The following ELP4 variants were observed in gnomAD, a reference collection of about 807,000 sequenced individuals.
ELP4 encodes elongator complex protein 4.
A neutral mutation model predicts 48.9 loss-of-function variants in ELP4; 51 were observed. The ratio of observed to expected loss-of-function variants is 1.04; its 90% confidence interval spans 0.83 to 1.32. The LOEUF (loss-of-function observed/expected upper bound fraction) is 1.32. Ranked by LOEUF, ELP4 falls within the 40% of genes most tolerant of loss-of-function variation. The probability of loss-of-function intolerance (pLI) is 0.00; values close to 1 mark genes in which losing one functional copy is unlikely to be tolerated. For synonymous variants in ELP4, 210 were observed against 189.2 expected (o/e 1.11, Z -0.90); for missense variants, 519 against 514.6 (o/e 1.01, Z -0.08).
intron 9 of ELP4, among the ~76,000 whole-genome samples, chr11:31,735,571 A>G (rs1056428319): frequency 4.6e-5 from 7 of 152,142 alleles, no homozygotes; most frequent in African/African-American, 1.7e-4. Context: ...TATATCTAGA[A>G]AACCCCATCG....
At chr11:31,694,852 G>C (rs958306647) in intron 9 of ELP4, among the ~76,000 whole-genome samples, 5 of 152,084 alleles carry the variant, frequency 3.3e-5, no homozygotes, top group Admixed American at 2.0e-4. Context: ...GTGGTTTGTA[G>C]TTCTCCTTGA....
At chr11:31,511,138 A>C (rs1207773980) in intron 1 of ELP4, 3 of 152,164 alleles carry the variant, frequency 2.0e-5, no homozygotes, top group Admixed American at 2.0e-4. Flanking sequence ...TTTCTAGATA[A>C]GTTTAAGTAT....
chr11:31,554,307 C>A (rs1039962674), intron 3 of ELP4, among the ~76,000 whole-genome samples: 1 of 152,128 alleles, frequency 6.6e-6, no homozygotes, highest in Non-Finnish European at 1.5e-5. Flanking sequence ...AGGTTGGGGA[C>A]TGCTGCGTTA....
intron 2 of ELP4, among the ~76,000 whole-genome samples, chr11:31,521,099 T>A (rs1386710811): frequency 5.3e-5 from 8 of 152,020 alleles, no homozygotes; most frequent in Non-Finnish European, 2.9e-5. Context: ...CAAGAGTGAG[T>A]AAAATACAAA....
chr11:31,662,089 CAG>C (rs1451675387), intron 9 of ELP4, among the ~76,000 whole-genome samples: 6 of 151,844 alleles, frequency 4.0e-5, no homozygotes, highest in East Asian at 1.9e-4. Flanking sequence ...CTGATCCAAA[CAG>C]AAATTTAAAT....
chr11:31,608,387 G>T (rs937473792), intron 5 of ELP4, among the ~76,000 whole-genome samples: 4 of 152,070 alleles, frequency 2.6e-5, no homozygotes, highest in African/African-American at 9.7e-5. Context: ...GAATGTGTTG[G>T]TCTAAGAAGA....
At chr11:31,732,204 A>C (rs1947205458) in intron 9 of ELP4, among the ~76,000 whole-genome samples, 1 of 152,204 alleles carries the variant, frequency 6.6e-6, no homozygotes, top group Non-Finnish European at 1.5e-5. Context: ...ATTCTATAGA[A>C]TTTAAATAAA....
intron 5 of ELP4, among the ~76,000 whole-genome samples, chr11:31,610,917 A>G (rs1193466829): frequency 1.3e-5 from 2 of 152,166 alleles, no homozygotes; most frequent in Non-Finnish European, 2.9e-5. Flanking sequence ...TCAATAATGT[A>G]ATCTTTGACC....
chr11:31,779,545 C>G (rs1948324624), intron 9 of ELP4, among the ~76,000 whole-genome samples: 2 of 152,308 alleles, frequency 1.3e-5, no homozygotes, highest in Admixed American at 1.3e-4. Flanking sequence ...GAAAGAATCT[C>G]AAAGTCCAGC....
chr11:31,783,450 C>A lies in ELP4; in HGVS notation c.1201C>A (p.Leu401Met), dbSNP rs1483820231. Residue 401 changes from leucine (L) to methionine (M), a missense_variant, in exon 10 of 10, where the codon CTG becomes ATG. Leu to Met is a conservative substitution (Grantham distance 15, BLOSUM62 2). Coordinates refer to ENST00000640961, the MANE Select transcript of ELP4 (RefSeq NM_019040.5). Reference protein sequence around the residue: ...DTVSRSSKMDLAESAKRLGPG... With the variant: ...DTVSRSSKMDMAESAKRLGPG... Reference sequence around the variant, plus strand: ...AGTGAGCCGCTCAAGCAAAATGGATCTGGCAGAATCCGCCAAGCGGCTGGG... The same window carrying A: ...AGTGAGCCGCTCAAGCAAAATGGATATGGCAGAATCCGCCAAGCGGCTGGG... 4.3e-6 allele frequency: 7 copies of A among 1,614,144 alleles called. No homozygotes were observed. The highest frequency in any genetic ancestry group is 5.9e-6 in the Non-Finnish European group (7 of 1,179,966).
chr11:31,587,319 T>C (rs1043827112), intron 3 of ELP4, among the ~76,000 whole-genome samples: 2 of 152,116 alleles, frequency 1.3e-5, no homozygotes, highest in African/African-American at 4.8e-5. Context: ...CAGACTAGAA[T>C]GTAAAACGTT....
chr11:31,738,046 C>T (rs1332651149), intron 9 of ELP4, among the ~76,000 whole-genome samples: 1 of 151,940 alleles, frequency 6.6e-6, no homozygotes, highest in Non-Finnish European at 1.5e-5. Flanking sequence ...CCTGAATGTC[C>T]ATCAACAGAT....
chr11:31,548,819 A>AG (rs1956783572), intron 3 of ELP4, among the ~76,000 whole-genome samples: 1 of 152,250 alleles, frequency 6.6e-6, no homozygotes, highest in Non-Finnish European at 1.5e-5. Flanking sequence ...CAGAGCCCTC[A>AG]GAAAAAATGC....
At position 31,509,835 on chromosome 11, in the gene ELP4, A is replaced by C; in HGVS notation, c.51A>C (p.Ala17=). ...GTGTTGCCGCGAGTACTGGGTCTGC[A>C]GTGGCGACAGCCAGCAAGAGCAACG... ...CGSVAASTGS[A]VATASKSNVT... Residue 17 remains alanine (A), a synonymous_variant, in exon 1 of 10, where the codon GCA becomes GCC. Transcript: ENST00000640961. 6.2e-7 allele frequency: 1 copy of C among 1,614,184 alleles called. No homozygotes were observed. The highest frequency in any genetic ancestry group is 1.3e-5 in the African/African-American group (1 of 75,070).
At chr11:31,517,738 T>TCCCAAGTAGCTGGGACTACAGGCGGCAG (rs1956142542) in intron 1 of ELP4, among the ~76,000 whole-genome samples, 1 of 151,958 alleles carries the variant, frequency 6.6e-6, no homozygotes, top group Non-Finnish European at 1.5e-5. Context: ...TGCCTCAGCC[T>TCCCAAGTAGCTGGGACTACAGGCGGCAG]CCCAAGTAGC....
intron 9 of ELP4, among the ~76,000 whole-genome samples, chr11:31,770,475 A>G (rs1354194163): frequency 1.3e-5 from 2 of 151,826 alleles, no homozygotes; most frequent in East Asian, 3.9e-4. Context: ...GTACAGTTTA[A>G]CAAATCCAGC....
chr11:31,549,699 G>A (rs1382658719), intron 3 of ELP4, among the ~76,000 whole-genome samples: 3 of 152,136 alleles, frequency 2.0e-5, no homozygotes, highest in Non-Finnish European at 4.4e-5. Flanking sequence ...TATGTTTATT[G>A]CGGCACTATT....
intron 9 of ELP4, among the ~76,000 whole-genome samples, chr11:31,745,423 A>G (rs987654439): frequency 1.6e-4 from 25 of 152,264 alleles, no homozygotes; most frequent in African/African-American, 5.3e-4. Context: ...AAAAGAGCCC[A>G]CTTCGCCAAG....
chr11:31,563,848 TAAC>T (rs995363225), intron 3 of ELP4, among the ~76,000 whole-genome samples: 1 of 152,098 alleles, frequency 6.6e-6, no homozygotes, highest in Non-Finnish European at 1.5e-5. Flanking sequence ...AAGAAAGATA[TAAC>T]AACAATACAG....
Sources: allele counts gnomAD v4.1 joint callset (sites outside exome capture counted in the v4.1 genomes callset), GRCh38; gene constraint gnomAD v4.1.1; transcripts MANE v1.5; gene names NCBI Gene and HGNC (gene_info 2026-07-23, HGNC 2026-07-21).